The following ATP9B variants were observed in gnomAD, a reference collection of about 807,000 sequenced individuals.
ATP9B encodes the protein probable phospholipid-transporting ATPase IIB.
Under a neutral mutation model 146.1 loss-of-function variants are expected in ATP9B, and 110 were observed. The observed-to-expected ratio is 0.75, with a 90% CI of 0.65 to 0.88. The LOEUF (loss-of-function observed/expected upper bound fraction) is 0.88. ATP9B is among the 40% of genes least tolerant of loss of function. The pLI, the probability that ATP9B is intolerant of heterozygous loss-of-function variation, is 0.00. For synonymous variants in ATP9B, 604 were observed against 569.7 expected, an observed-to-expected ratio of 1.06 and a Z score of -0.86; for missense variants, 1,499 against 1,496.4, an observed-to-expected ratio of 1.00 and a Z score of -0.03.
chr18:79,322,156 C>T (rs558636484), intron 15 of ATP9B, among the ~76,000 whole-genome samples: 11 of 152,182 alleles, frequency 7.2e-5, no homozygotes, highest in African/African-American at 2.4e-4. Flanking sequence ...TACAGGACTG[C>T]GTCATCCCTA....
intron 11 of ATP9B, among the ~76,000 whole-genome samples, chr18:79,246,715 G>A (rs779030542): frequency 2.0e-4 from 31 of 152,270 alleles, no homozygotes; most frequent in Non-Finnish European, 4.1e-4. Context: ...TGCTGGCCGC[G>A]CCCCGCGCTC....
chr18:79,076,058 T>G (rs1471533616), intron 1 of ATP9B, among the ~76,000 whole-genome samples: 2 of 152,214 alleles, frequency 1.3e-5, no homozygotes, highest in Non-Finnish European at 2.9e-5. Context: ...TTAAATCCCT[T>G]TATTCTCCCA....
chr18:79,335,004 C>T (rs534496350), intron 17 of ATP9B, among the ~76,000 whole-genome samples: 2 of 150,360 alleles, frequency 1.3e-5, no homozygotes, highest in South Asian at 2.1e-4. Flanking sequence ...TTCCTGTGGC[C>T]GCATGAGGCC....
At position 79,115,679 on chromosome 18, in the gene ATP9B, C is replaced by T. The variant is rs2094060261; in HGVS notation, c.558+2325C>T. ...AAAACAAGCAATGGGGAAAGGATTC[C>T]CTATTTAATAAATGGTGCTGGGAAA... On this transcript the variant is annotated intron_variant, in intron 4 of 29. Coordinates refer to ENST00000426216, the MANE Select transcript of ATP9B (RefSeq NM_198531.5). 1.2e-4 allele frequency: 11 copies of T among 89,980 alleles called. No homozygotes were observed. The South Asian group carries it at 5.3e-3, about 43-fold the overall frequency. The allele number at this position is 89,980 out of a possible 1,614,324, so 5.6% of individuals were successfully genotyped here.
At position 79,231,805 on chromosome 18, in the gene ATP9B, C is replaced by CACACAT. The variant is rs1555777833; in HGVS notation, c.1107+17772_1107+17773insTACACA. On this transcript the variant is annotated intron_variant, in intron 11 of 29. Coordinates refer to ENST00000426216, the MANE Select transcript of ATP9B (RefSeq NM_198531.5). ...ATATATATATATATATATATATATACACACACACACCATGGAATACTGCTC... is the reference window on the plus strand; with the variant it reads ...ATATATATATATATATATATATATACACACATACACACACACCATGGAATACTGCTC... Among the ~76,000 whole-genome samples the CACACAT allele has an allele frequency of 2.1e-4, 23 of 109,082 alleles. No individual in the cohort carries two copies. The East Asian group carries it at 4.6e-3, about 22-fold the overall frequency. The allele number at this position is 109,082 out of a possible 152,430, so 71.6% of individuals were successfully genotyped here. A position where few individuals can be genotyped will look rare whatever the true frequency, so the allele number is the denominator to read the frequency against.
chr18:79,091,700 T>A (rs574395760), intron 1 of ATP9B, among the ~76,000 whole-genome samples: 1 of 152,254 alleles, frequency 6.6e-6, no homozygotes, highest in Non-Finnish European at 1.5e-5. Flanking sequence ...TTTGCAAATA[T>A]ACGTTCGTAT....
chr18:79,117,592 T>A (rs1476208752), intron 4 of ATP9B: 1 of 151,956 alleles, frequency 6.6e-6, no homozygotes, highest in Non-Finnish European at 1.5e-5. Context: ...TGGGAAGAAG[T>A]AGTTGGAAAG....
chr18:79,247,197 C>G (rs925782835), intron 11 of ATP9B, among the ~76,000 whole-genome samples: 3 of 152,132 alleles, frequency 2.0e-5, no homozygotes, highest in African/African-American at 7.2e-5. Context: ...ATTTACTTTG[C>G]GAAGGTTCTA....
chr18:79,327,440 GGTTAGTGTGCTCCCCA>G (rs2096754163), intron 15 of ATP9B, among the ~76,000 whole-genome samples: 1 of 152,128 alleles, frequency 6.6e-6, no homozygotes, highest in African/African-American at 2.4e-5. Context: ...TGCTCTCCAT[GGTTAGTGTGCTCCCCA>G]TGGTTAGCGT....
chr18:79,203,980 T>C (rs534914346), intron 9 of ATP9B, among the ~76,000 whole-genome samples: 1 of 152,354 alleles, frequency 6.6e-6, no homozygotes, highest in East Asian at 1.9e-4. Context: ...AATCCTAAAT[T>C]CAATTACAAA....
Position 79,110,630 on chromosome 18 carries a change from C to CT in ATP9B, c.444+129dup, listed in dbSNP as rs1425578684. 6 of 877,828 alleles carry CT rather than the reference C, an allele frequency of 6.8e-6. No individual in the cohort carries two copies. The South Asian group carries it at 1.4e-4, about 21-fold the overall frequency. 54.4% of individuals were successfully genotyped at this position (877,828 alleles called of 1,614,324 possible). A position where few individuals can be genotyped will look rare whatever the true frequency, so the allele number is the denominator to read the frequency against. On this transcript the variant is annotated intron_variant, in intron 3 of 29. Coordinates refer to ENST00000426216, the MANE Select transcript of ATP9B (RefSeq NM_198531.5). ...GTTGTGTCACATCCAAATCAGTGTC[C>CT]TTTTGCTTTTGAACCATCTGTGTTC...
In ATP9B at chr18:79,169,045, G is replaced by A. The variant is rs558771285; in HGVS notation, c.779-7768G>A. 1.3e-4 allele frequency among the ~76,000 whole-genome samples: 20 copies of A among 152,238 alleles called. No individual in the cohort carries two copies. The South Asian group carries it at 2.5e-3, about 19-fold the overall frequency. ...GAGGCAGCATATTTGTGGAGGCAGC[G>A]TCCTGCCTCGTTGAGGAGACTTTGA... On this transcript the variant is annotated intron_variant, in intron 7 of 29. Coordinates refer to ENST00000426216, the MANE Select transcript of ATP9B (RefSeq NM_198531.5).
chr18:79,193,145 T>G, intron 8 of ATP9B, 38 bp from the exon 9 acceptor site: 1 of 1,426,106 alleles, frequency 7.0e-7, no homozygotes, highest in Non-Finnish European at 9.8e-7. Context: ...TTTACTAAAC[T>G]ATAACATTCT....
chr18:79,250,753 C>T (rs1337963125), intron 11 of ATP9B, among the ~76,000 whole-genome samples: 3 of 152,218 alleles, frequency 2.0e-5, no homozygotes, highest in Non-Finnish European at 2.9e-5. Context: ...AGCCCATACC[C>T]GCAGCAGCGT....
rs116166018 is a variant in ATP9B at position 79,230,150 on chromosome 18, A to T, written c.1107+16112A>T. Among the ~76,000 whole-genome samples, 1,214 of 152,334 alleles carry T rather than the reference A, an allele frequency of 8.0e-3. 17 individuals carry two copies. The highest frequency in any genetic ancestry group is 0.028 in the African/African-American group (1,162 of 41,570). Reference sequence around the variant, plus strand: ...GAATATAAAAATATATAAATTTAGTATTAACACCGTAATATTAGTTTTCAA... The same window carrying T: ...GAATATAAAAATATATAAATTTAGTTTTAACACCGTAATATTAGTTTTCAA... On this transcript the variant is annotated intron_variant, in intron 11 of 29. Transcript: ENST00000426216.
intron 4 of ATP9B, among the ~76,000 whole-genome samples, chr18:79,123,612 T>C (rs2094228046): frequency 6.6e-6 from 1 of 152,128 alleles, no homozygotes; most frequent in South Asian, 2.1e-4. Flanking sequence ...TCAGAGTGGC[T>C]AATACGTCAT....
intron 13 of ATP9B, among the ~76,000 whole-genome samples, chr18:79,292,333 A>G (rs1251036064): frequency 6.6e-6 from 1 of 152,162 alleles, no homozygotes; most frequent in Non-Finnish European, 1.5e-5. Context: ...GCCCTCTATT[A>G]ATTAAAGGGG....
chr18:79,271,960 G>A (rs1339335733), intron 12 of ATP9B, among the ~76,000 whole-genome samples: 1 of 152,128 alleles, frequency 6.6e-6, no homozygotes. Context: ...ATCTCATTGT[G>A]GTTTTGATTT....
chr18:79,274,310 T>A (rs933838657), intron 12 of ATP9B, among the ~76,000 whole-genome samples: 14 of 152,220 alleles, frequency 9.2e-5, no homozygotes, highest in Admixed American at 1.3e-4. Flanking sequence ...ACTTAGTGTT[T>A]GAAATCTGAG....
Sources: gnomAD v4.1 joint callset for allele counts (sites outside exome capture counted in the v4.1 genomes callset) on GRCh38, gnomAD v4.1.1 for gene constraint, MANE v1.5 for transcripts, NCBI Gene and HGNC (gene_info 2026-07-23, HGNC 2026-07-21) for gene names.